The following TSPAN17 variants were observed in gnomAD, a reference collection of about 807,000 sequenced individuals.
TSPAN17 encodes the protein tetraspanin 17.
TSPAN17 carries 33 observed loss-of-function variants against 40.5 expected under a neutral mutation model. The observed-to-expected ratio is 0.81, with a 90% CI of 0.62 to 1.09. The LOEUF is 1.09. TSPAN17 is among the 50% of genes least tolerant of loss of function. The pLI is 0.00. For missense variants in TSPAN17, 365 were observed against 416.8 expected, an observed-to-expected ratio of 0.88 and a Z score of 1.08; for synonymous variants, 166 against 169.4, an observed-to-expected ratio of 0.98 and a Z score of 0.15.
chr5:176,657,324 GC>G lies in TSPAN17; in HGVS notation c.810-188del, dbSNP rs532106906. The G allele has an allele frequency of 6.4e-4, 643 of 1,009,330 alleles. 3 individuals are homozygous for G. In the African/African-American group the frequency reaches 9.9e-3, roughly 16 times the overall value. The allele number at this position is 1,009,330 out of a possible 1,614,324, so 62.5% of individuals were successfully genotyped here. On this transcript the variant is annotated intron_variant, in intron 8 of 8. Transcript: ENST00000508164. ...GTGTGGAGGGTCCCCCCCGTTCCCT[GC>G]CCCCCAGTGCTGGGACGCACCTTTC... is the stretch of plus-strand genomic sequence containing the variant.
rs1212933742 is a variant in TSPAN17 at position 176,657,528 on chromosome 5, AATG to A, written c.825_827del (p.Asp276del). On this transcript the variant is annotated inframe_deletion, in exon 9 of 9. Coordinates refer to ENST00000508164, the MANE Select transcript of TSPAN17 (RefSeq NM_130465.5). ...TTGCTTGCCTCTCAGGAGCAAATGG[AATG>A]ATGACTTTGAAAACCACTGGCTTAC... 6.3e-7 allele frequency: 1 copy of A among 1,591,126 alleles called. No homozygotes were observed.
chr5:176,652,939 AC>A (rs1328846427), intron 4 of TSPAN17, 26 bp downstream of exon 4: 1 of 1,610,826 alleles, frequency 6.2e-7, no homozygotes, highest in Admixed American at 1.7e-5. Context: ...AGCCTGGGAC[AC>A]CTGTAGGAGG....
intron 4 of TSPAN17, 99 bp downstream of exon 4, chr5:176,653,012 C>T: frequency 7.4e-7 from 1 of 1,353,126 alleles, no homozygotes; most frequent in East Asian, 2.3e-5. Flanking sequence ...TCCTTACCCA[C>T]CTGGGCTAGC....
rs1256152313 is a variant in TSPAN17 at position 176,658,705 on chromosome 5, C to T, written c.*1007C>T. The stretch of plus-strand genomic sequence containing the variant: ...AATTGCTCTGGTGTGGGAATGCAGG[C>T]CTAATGACAGAAATCTGGAGAAGCC... On this transcript the variant is annotated 3_prime_UTR_variant, in exon 9 of 9. Coordinates refer to ENST00000508164, the MANE Select transcript of TSPAN17 (RefSeq NM_130465.5). The T allele has an allele frequency of 6.6e-6, 1 of 152,246 alleles. No homozygotes were observed. The highest frequency in any genetic ancestry group is 1.5e-5 in the Non-Finnish European group (1 of 68,046). 9.4% of individuals were successfully genotyped at this position (152,246 alleles called of 1,614,324 possible).
chr5:176,652,075 C>G (rs1760990650), intron 3 of TSPAN17, among the ~76,000 whole-genome samples, 175 bp downstream of exon 3: 2 of 152,216 alleles, frequency 1.3e-5, no homozygotes, highest in Admixed American at 1.3e-4. Context: ...GTGACCGAGA[C>G]CTGGTGGCCC....
At position 176,652,727 on chromosome 5, in the gene TSPAN17, G is replaced by A. The variant is rs754965746; in HGVS notation, c.286-16G>A. On this transcript the variant is annotated splice_polypyrimidine_tract_variant and intron_variant, in intron 3 of 8. Coordinates refer to ENST00000508164, the MANE Select transcript of TSPAN17 (RefSeq NM_130465.5). ...CCTGCGTTTCCAACCCCTACTGTCTGTATGCCCAACCCCAGTTCTCCGTGT... is the reference window on the plus strand; with the variant it reads ...CCTGCGTTTCCAACCCCTACTGTCTATATGCCCAACCCCAGTTCTCCGTGT... The A allele has an allele frequency of 9.3e-6, 15 of 1,613,636 alleles. No homozygotes were observed. The highest frequency in any genetic ancestry group is 8.5e-7 in the Non-Finnish European group (1 of 1,179,734).
chr5:176,651,880 A>T lies in TSPAN17; in HGVS notation c.265A>T (p.Asn89Tyr), dbSNP rs1760979836. 1 of 1,613,750 alleles carries T rather than the reference A, an allele frequency of 6.2e-7. No individual in the cohort carries two copies. Among genetic ancestry groups the T allele is most frequent in the Admixed American group, 1.7e-5 (1 of 59,992 alleles). Residue 89 changes from asparagine to tyrosine, a missense_variant, in exon 3 of 9, where the codon AAC (asparagine) becomes TAC (tyrosine). Physicochemically the swap from Asn to Tyr is moderately radical, Grantham distance 143. Transcript: ENST00000508164. This position sits in a 1 kb window ranked among gnomAD's most constrained non-coding sequence, Gnocchi z 4.5. Reference protein sequence around the residue: ...FAGCIGALRENTFLLKFFSVF... With the variant: ...FAGCIGALREYTFLLKFFSVF... ...TGGCTGCATTGGGGCCCTCCGGGAGAACACCTTCCTGCTCAAGTTTGTGAG... is the reference window on the plus strand; with the variant it reads ...TGGCTGCATTGGGGCCCTCCGGGAGTACACCTTCCTGCTCAAGTTTGTGAG...
intron 4 of TSPAN17, 174 bp downstream of exon 4, chr5:176,653,087 T>G (rs937070396): frequency 1.5e-6 from 1 of 648,850 alleles, no homozygotes; most frequent in Admixed American, 3.0e-5. Flanking sequence ...CTGATCCTTA[T>G]GGGTCCCCAT....
chr5:176,654,191 G>T lies in TSPAN17; in HGVS notation c.457-704G>T, dbSNP rs760121872. On this transcript the variant is annotated intron_variant, in intron 4 of 8. Transcript: ENST00000508164. This position sits in a 1 kb window ranked among gnomAD's most constrained non-coding sequence, Gnocchi z 4.3. ...GCATGTGGCAGGCCTGACTCCTCCA[G>T]CTCTCTGGCTCGGCCACGGGGCCTG... 8 of 152,612 alleles carry T rather than the reference G, an allele frequency of 5.2e-5. No individual in the cohort carries two copies. Among genetic ancestry groups the T allele is most frequent in the Non-Finnish European group, 7.3e-5 (5 of 68,128 alleles). 9.5% of individuals were successfully genotyped at this position (152,612 alleles called of 1,614,324 possible). A position where few individuals can be genotyped will look rare whatever the true frequency, so the allele number is the denominator to read the frequency against.
Position 176,656,116 on chromosome 5 carries a change from G to T in TSPAN17, c.621G>T (p.Arg207=), listed in dbSNP as rs1761146841. The change falls in exon 6 of 9, where the codon CGG becomes CGT. Residue 207 remains arginine, a synonymous_variant. Transcript: ENST00000508164. ...VLNTQCGYDV[R]LKLELEQQGF... The stretch of plus-strand genomic sequence containing the variant: ...ACACCCAGTGTGGCTACGACGTCCG[G>T]CTCAAACTGGTGAGAGGGGTAGGAA... 1.9e-6 allele frequency: 3 copies of T among 1,614,160 alleles called. No homozygotes were observed. Among genetic ancestry groups the T allele is most frequent in the Non-Finnish European group, 2.5e-6 (3 of 1,180,006 alleles).
At position 176,657,900 on chromosome 5, in the gene TSPAN17, CCTCGAGGCCG is replaced by C; in HGVS notation, c.*205_*214del. On this transcript the variant is annotated 3_prime_UTR_variant, in exon 9 of 9. Transcript: ENST00000508164. ...CACCTCTGCAGGGTTATTCCCTGCA[CCTCGAGGCCG>C]CTGCGGGCCAATCTGGAGTGAAACA... The C allele has an allele frequency of 1.1e-6, 1 of 901,178 alleles. No homozygotes were observed. The highest frequency in any genetic ancestry group is 1.6e-6 in the Non-Finnish European group (1 of 644,406). 55.8% of individuals were successfully genotyped at this position (901,178 alleles called of 1,614,324 possible).
chr5:176,655,993 A>C lies in TSPAN17; in HGVS notation c.583-85A>C. ...ACGGGCCCATCTGCGTCCTCTGAGA[A>C]GGAAAAGCCACCGCACTGCCCAGGT... On this transcript the variant is annotated intron_variant, in intron 5 of 8. Coordinates refer to ENST00000508164, the MANE Select transcript of TSPAN17 (RefSeq NM_130465.5). 3.8e-6 allele frequency: 5 copies of C among 1,300,818 alleles called. No homozygotes were observed. The South Asian group carries it at 5.9e-5, about 15-fold the overall frequency. 80.6% of individuals were successfully genotyped at this position (1,300,818 alleles called of 1,614,324 possible). A position where few individuals can be genotyped will look rare whatever the true frequency, so the allele number is the denominator to read the frequency against.
Position 176,652,879 on chromosome 5 carries a change from A to G in TSPAN17, c.422A>G (p.Asp141Gly). 3 of 1,614,102 alleles carry G rather than the reference A, an allele frequency of 1.9e-6. No individual in the cohort carries two copies. Among genetic ancestry groups the G allele is most frequent in the Admixed American group, 1.7e-5 (1 of 60,020 alleles). ...GTCAAGGCCTACCGGGACGACATTG[A>G]CCTCCAGAACCTCATTGACTTTGCT... The part of the protein sequence containing the change: ...NNVKAYRDDI[D>G]LQNLIDFAQE... Residue 141 changes from aspartate (D) to glycine (G), a missense_variant, in exon 4 of 9, where the codon GAC becomes GGC. Transcript: ENST00000508164.
In TSPAN17 at chr5:176,651,674, A is replaced by G. The variant is rs745844603; in HGVS notation, c.138+8A>G. On this transcript the variant is annotated splice_region_variant and intron_variant, in intron 2 of 8. Transcript: ENST00000508164. This position sits in a 1 kb window ranked among gnomAD's most constrained non-coding sequence, Gnocchi z 4.5. ...TGGGCCTGGGGTGAGAAGGTAAGGC[A>G]GCGGGCGGGCGTGGAGCTGGTATGG... 1.9e-6 allele frequency: 3 copies of G among 1,613,982 alleles called. No homozygotes were observed. The South Asian group carries it at 3.3e-5, about 18-fold the overall frequency.
intron 4 of TSPAN17, 146 bp downstream of exon 4, chr5:176,653,059 G>A (rs1761031925): frequency 6.1e-6 from 5 of 814,254 alleles, no homozygotes; most frequent in Non-Finnish European, 9.7e-6. Context: ...GTCCTCGTCC[G>A]AGGAGAGCCA....
At chr5:176,656,615 G>T in intron 6 of TSPAN17, 85 bp from the exon 7 acceptor site, 2 of 1,357,992 alleles carry the variant, frequency 1.5e-6, no homozygotes, top group Non-Finnish European at 2.1e-6. Context: ...TTAGACCCTG[G>T]GGTGGGCGTG....
rs1760958222 is a variant in TSPAN17 at position 176,651,394 on chromosome 5, C to T, written c.88-222C>T. The stretch of plus-strand genomic sequence containing the variant: ...AGTTCCAGGAAGGGGCCCCTGATGT[C>T]CATCCCAAGGCTAGCAGAGGGTTCA... On this transcript the variant is annotated intron_variant, in intron 1 of 8. Coordinates refer to ENST00000508164, the MANE Select transcript of TSPAN17 (RefSeq NM_130465.5). The surrounding 1 kb of genome is among the most constrained non-coding windows in gnomAD (Gnocchi z 4.5). 6.6e-6 allele frequency among the ~76,000 whole-genome samples: 1 copy of T among 152,186 alleles called. No homozygotes were observed. Among genetic ancestry groups the T allele is most frequent in the Admixed American group, 6.5e-5 (1 of 15,286 alleles).
Position 176,657,569 on chromosome 5 carries a change from C to A in TSPAN17, c.861C>A (p.Ser287=), listed in dbSNP as rs781742823. 2 of 1,613,142 alleles carry A rather than the reference C, an allele frequency of 1.2e-6. No individual in the cohort carries two copies. Among genetic ancestry groups the A allele is most frequent in the East Asian group, 4.5e-5 (2 of 44,866 alleles). Residue 287 remains serine, a synonymous_variant, in exon 9 of 9, where the codon TCC becomes TCA. Coordinates refer to ENST00000508164, the MANE Select transcript of TSPAN17 (RefSeq NM_130465.5). ...ACCACTGGCTTACGCCCACCATTTCCGAGGTCCTGTCCACGGCGGGGCCTC... is the reference window on the plus strand; with the variant it reads ...ACCACTGGCTTACGCCCACCATTTCAGAGGTCCTGTCCACGGCGGGGCCTC... ...FENHWLTPTI[S]EVLSTAGPQQ...
At chr5:176,649,865 C>T (rs1760896221) in intron 1 of TSPAN17, among the ~76,000 whole-genome samples, 2 of 152,362 alleles carry the variant, frequency 1.3e-5, no homozygotes, top group Middle Eastern at 3.4e-3. Context: ...CCCTACCCTC[C>T]TCCTGGAACA....
Sources: gnomAD v4.1 joint callset for allele counts (sites outside exome capture counted in the v4.1 genomes callset) on GRCh38, gnomAD v4.1.1 for gene constraint, Gnocchi (gnomAD v3.1) non-coding constraint, MANE v1.5 for transcripts, NCBI Gene and HGNC (gene_info 2026-07-23, HGNC 2026-07-21) for gene names.